SH3BGR: variants seen among roughly 807,000 people sequenced by gnomAD.
SH3BGR encodes SH3 domain binding glutamate rich protein, also known as SH3 domain-binding glutamic acid-rich protein.
SH3BGR carries 29 observed loss-of-function variants against 24.5 expected under a neutral mutation model. That is an observed-to-expected ratio of 1.18 (90% confidence interval 0.88 to 1.61). The LOEUF (loss-of-function observed/expected upper bound fraction) is 1.61, where lower values mean the gene tolerates loss of function less well. SH3BGR is among the 40% of genes most tolerant of loss of function. The pLI, the probability that SH3BGR is intolerant of heterozygous loss-of-function variation, is 0.00. For missense variants in SH3BGR, 162 were observed against 205.8 expected (o/e 0.79, Z 1.30); for synonymous variants, 55 against 65.7 (o/e 0.84, Z 0.79).
At chr21:39,476,605 CT>C (rs916361570) in intron 3 of SH3BGR, among the ~76,000 whole-genome samples, 25 of 152,188 alleles carry the variant, frequency 1.6e-4, no homozygotes, top group Non-Finnish European at 7.3e-5. Flanking sequence ...GGTTCCCTAG[CT>C]TCCTCTCTCC....
At chr21:39,447,759 C>A (rs2049823), upstream of SH3BGR, among the ~76,000 whole-genome samples, 77,876 of 151,822 alleles carry the variant, frequency 0.51, 20,389 homozygotes, top group East Asian at 0.68. Context: ...TCTGTGTACA[C>A]AATGGAAGGA....
Position 39,452,123 on chromosome 21 carries a change from A to C in SH3BGR, c.27A>C (p.Thr9=), listed in dbSNP as rs906027351. ...TGGTTATCAAAGTGTTTGTTGCTAC[A>C]TCTTCTGGGTCCATAGCGGTAGGTG... MVIKVFVA[T]SSGSIAIRKK... is the part of the protein sequence containing the mutation. The change falls in exon 1 of 7, where the codon ACA becomes ACC. Residue 9 remains threonine, a synonymous_variant. Transcript: ENST00000333634. The C allele has an allele frequency of 6.2e-7, 1 of 1,613,982 alleles. No individual in the cohort carries two copies. The highest frequency in any genetic ancestry group is 1.3e-5 in the African/African-American group (1 of 74,892).
intron 3 of SH3BGR, among the ~76,000 whole-genome samples, chr21:39,491,016 G>A (rs974151466): frequency 1.3e-5 from 2 of 152,082 alleles, no homozygotes; most frequent in African/African-American, 4.8e-5. Context: ...ACAGGCATGA[G>A]CCACTGCACC....
At chr21:39,477,983 CTT>C (rs957073713) in intron 3 of SH3BGR, among the ~76,000 whole-genome samples, 1 of 151,232 alleles carries the variant, frequency 6.6e-6, no homozygotes, top group African/African-American at 2.4e-5. Context: ...TCATTGAATA[CTT>C]TTTTTTTGTG....
chr21:39,458,839 G>A lies in SH3BGR; in HGVS notation c.46-3536G>A, dbSNP rs183620919. Among the ~76,000 whole-genome samples, 274 of 151,854 alleles carry A rather than the reference G, an allele frequency of 1.8e-3. 3 individuals are homozygous for A. Among genetic ancestry groups the A allele is most frequent in the African/African-American group, 6.0e-3 (248 of 41,390 alleles). On this transcript the variant is annotated intron_variant, in intron 1 of 6. Transcript: ENST00000333634. ...TTTTTGTATTTTTAGTAGAGACGAG[G>A]TTTTACCATGTTGGCCAGGCTGGTC...
chr21:39,470,022 T>C (rs6517552), intron 2 of SH3BGR, among the ~76,000 whole-genome samples: 135,507 of 152,164 alleles, frequency 0.89, 60,353 homozygotes, highest in Middle Eastern at 0.89. Flanking sequence ...TTGACCCATG[T>C]ATTGAAATTA....
rs1237405220 is a variant in SH3BGR, at chr21:39,511,627, G to C, written c.436-53G>C. 1 of 1,576,878 alleles carries C rather than the reference G, an allele frequency of 6.3e-7. No homozygotes were observed. The highest frequency in any genetic ancestry group is 1.4e-5 in the African/African-American group (1 of 73,100). On this transcript the variant is annotated intron_variant, in intron 5 of 6. Coordinates refer to ENST00000333634, the MANE Select transcript of SH3BGR (RefSeq NM_007341.3). This position sits in a 1 kb window ranked among gnomAD's most constrained non-coding sequence, Gnocchi z 4.2. Reference sequence around the variant, plus strand: ...AGCATTTTACAGTCTTTTTCTCACTGTATCCTTGGCCCTTATGCTTCTTAA... The same window carrying C: ...AGCATTTTACAGTCTTTTTCTCACTCTATCCTTGGCCCTTATGCTTCTTAA...
chr21:39,467,544 GATT>G (rs1428342657), intron 2 of SH3BGR, among the ~76,000 whole-genome samples: 6 of 152,188 alleles, frequency 3.9e-5, no homozygotes, highest in African/African-American at 1.4e-4. Context: ...AGGTAAAAAT[GATT>G]ATTTTTATTT....
intron 3 of SH3BGR, chr21:39,488,534 C>G (rs570016327): frequency 1.1e-5 from 4 of 367,028 alleles, no homozygotes; most frequent in South Asian, 1.2e-4. Context: ...TTGAGCACTT[C>G]CTGCCCATGC....
intron 4 of SH3BGR, among the ~76,000 whole-genome samples, chr21:39,504,937 C>T (rs549660727): frequency 3.3e-5 from 5 of 152,186 alleles, no homozygotes; most frequent in East Asian, 3.9e-4. Flanking sequence ...GTCAGCCTCC[C>T]GAGTAGCTGG....
At chr21:39,515,009 A>G in intron 6 of SH3BGR, 79 bp from the exon 7 acceptor site, 1 of 430,422 alleles carries the variant, frequency 2.3e-6, no homozygotes. Flanking sequence ...CCTTTATTGT[A>G]TGTTAAGTGA....
At chr21:39,459,995 A>G (rs1007737523) in intron 1 of SH3BGR, among the ~76,000 whole-genome samples, 2 of 152,226 alleles carry the variant, frequency 1.3e-5, no homozygotes, top group African/African-American at 4.8e-5. Context: ...TTCTTTGAAG[A>G]AAGAAAATTG....
intron 1 of SH3BGR, among the ~76,000 whole-genome samples, chr21:39,452,422 T>C (rs1056588105): frequency 2.0e-5 from 3 of 152,214 alleles, no homozygotes; most frequent in African/African-American, 7.2e-5. Context: ...GCCTTGTGAA[T>C]ATCATAGAAG....
chr21:39,462,504 C>T lies in SH3BGR; in HGVS notation c.175C>T (p.Pro59Ser). 3 of 1,607,562 alleles carry T rather than the reference C, an allele frequency of 1.9e-6. No homozygotes were observed. The highest frequency in any genetic ancestry group is 3.5e-5 in the Admixed American group (2 of 57,614). ...AGAGAATGTTCCTGGAGAGAAAAAACCTCAAAATGGGATTCCTTTGCCTCC... is the reference window on the plus strand; with the variant it reads ...AGAGAATGTTCCTGGAGAGAAAAAATCTCAAAATGGGATTCCTTTGCCTCC... ...MRENVPGEKK[P>S]QNGIPLPPQI... Residue 59 changes from proline (P) to serine (S), a missense_variant, in exon 2 of 7, where the codon CCT becomes TCT. By Grantham distance (74) the Pro-to-Ser change is moderately conservative (BLOSUM62 -1). Coordinates refer to ENST00000333634, the MANE Select transcript of SH3BGR (RefSeq NM_007341.3).
chr21:39,490,505 A>G (rs1287710366), intron 3 of SH3BGR, among the ~76,000 whole-genome samples: 2 of 152,088 alleles, frequency 1.3e-5, no homozygotes, highest in East Asian at 1.9e-4. Flanking sequence ...TTAAAAATTT[A>G]TATTATTAGG....
intron 3 of SH3BGR, among the ~76,000 whole-genome samples, chr21:39,487,983 CA>C (rs1417535489): frequency 1.3e-5 from 2 of 152,150 alleles, no homozygotes; most frequent in African/African-American, 2.4e-5. Flanking sequence ...GCACAAAATT[CA>C]TTCAAAAGAT....
chr21:39,499,503 C>T (rs940992363), intron 3 of SH3BGR, among the ~76,000 whole-genome samples: 18 of 152,202 alleles, frequency 1.2e-4, no homozygotes, highest in African/African-American at 4.1e-4. Flanking sequence ...AAGCCTCCCT[C>T]CATACAAGCA....
chr21:39,447,515 A>G (rs554890942), upstream of SH3BGR, among the ~76,000 whole-genome samples: 253 of 145,882 alleles, frequency 1.7e-3, 2 homozygotes, highest in East Asian at 1.2e-3. Context: ...TCCTGGGTTC[A>G]GGTGATTCTC....
At chr21:39,486,779 C>T (rs2078218504) in intron 3 of SH3BGR, among the ~76,000 whole-genome samples, 1 of 150,326 alleles carries the variant, frequency 6.7e-6, no homozygotes, top group South Asian at 2.1e-4. Context: ...TGCAGTAGCA[C>T]AATCTTGGCT....
Sources: allele counts gnomAD v4.1 joint callset (sites outside exome capture counted in the v4.1 genomes callset), GRCh38; gene constraint gnomAD v4.1.1; non-coding constraint Gnocchi (gnomAD v3.1); transcripts MANE v1.5; gene names NCBI Gene and HGNC (gene_info 2026-07-23, HGNC 2026-07-21).